Variants in ADIRF observed in about 807,000 individuals in gnomAD.
ADIRF encodes the protein adipogenesis factor rich in obesity.
ADIRF carries 9 observed loss-of-function variants against 7.8 expected under a neutral mutation model. That is an observed-to-expected ratio of 1.15 (90% CI 0.70 to 2.01). ADIRF has a LOEUF of 2.01. Ranked by LOEUF, ADIRF falls within the 30% of genes most tolerant of loss-of-function variation. ADIRF has a pLI of 0.00. For missense variants in ADIRF, 106 were observed against 98.1 expected (o/e 1.08, Z -0.34); for synonymous variants, 48 against 39.9 (o/e 1.20, Z -0.77).
chr10:86,970,702 T>C lies in ADIRF; in HGVS notation c.*120T>C. 1.2e-6 allele frequency: 1 copy of C among 834,682 alleles called. No individual in the cohort carries two copies. Among genetic ancestry groups the C allele is most frequent in the East Asian group, 2.7e-5 (1 of 37,194 alleles). The allele number at this position is 834,682 out of a possible 1,614,324, so 51.7% of individuals were successfully genotyped here. A position where few individuals can be genotyped will look rare whatever the true frequency, so the allele number is the denominator to read the frequency against. On this transcript the variant is annotated 3_prime_UTR_variant, in exon 3 of 3. Coordinates refer to ENST00000372013, the MANE Select transcript of ADIRF (RefSeq NM_006829.3). ...CTCCGGGCAGCCACCACCTCCTCGG[T>C]CTGCCCCCTCATTAAAATTCACGTT...
In ADIRF at chr10:86,968,495, T is replaced by C; in HGVS notation, c.-50T>C. On this transcript the variant is annotated 5_prime_UTR_variant, in exon 1 of 3. Coordinates refer to ENST00000372013, the MANE Select transcript of ADIRF (RefSeq NM_006829.3). ...CTTGGCATCGCCACTCTGGGCAGGA[T>C]CCAACGTCGCTCCAGCTGCTCTTGA... 1 of 1,608,320 alleles carries C rather than the reference T, an allele frequency of 6.2e-7. No individual in the cohort carries two copies. Among genetic ancestry groups the C allele is most frequent in the Non-Finnish European group, 8.5e-7 (1 of 1,176,448 alleles).
In ADIRF at chr10:86,970,823, A is replaced by C; in HGVS notation, c.*241A>C. 3.4e-6 allele frequency: 2 copies of C among 586,738 alleles called. No individual in the cohort carries two copies. Among genetic ancestry groups the C allele is most frequent in the East Asian group, 3.9e-5 (1 of 25,482 alleles). The allele number at this position is 586,738 out of a possible 1,614,324, so 36.3% of individuals were successfully genotyped here. On this transcript the variant is annotated 3_prime_UTR_variant, in exon 3 of 3. Coordinates refer to ENST00000372013, the MANE Select transcript of ADIRF (RefSeq NM_006829.3). ...CGTAGCCGGAGTCCTAGCCTCCCAA[A>C]TTCGGAAATCCAATCCAACGGTCTC...
chr10:86,970,021 G>A (rs2133709695), intron 1 of ADIRF, 179 bp from the exon 2 acceptor site: 1 of 455,570 alleles, frequency 2.2e-6, no homozygotes, highest in South Asian at 1.0e-4. Flanking sequence ...CAGAGGCATG[G>A]AAAGGTCTCC....
chr10:86,970,108 T>G, intron 1 of ADIRF, 92 bp from the exon 2 acceptor site: 1 of 1,238,676 alleles, frequency 8.1e-7, no homozygotes, highest in Non-Finnish European at 1.1e-6. Context: ...TACCACCGAA[T>G]ACTCTGGAGG....
chr10:86,969,704 C>G (rs1844544470), intron 1 of ADIRF: 1 of 152,610 alleles, frequency 6.6e-6, no homozygotes, highest in Non-Finnish European at 1.5e-5. Context: ...TTGTGTGCCC[C>G]TCCGGGCAGG....
At chr10:86,969,858 A>G (rs1844548057) in intron 1 of ADIRF, 2 of 194,126 alleles carry the variant, frequency 1.0e-5, no homozygotes, top group Admixed American at 1.2e-4. Flanking sequence ...CGCCATCACC[A>G]GCATTAGCCA....
intron 1 of ADIRF, chr10:86,969,565 G>A (rs1844540575): frequency 2.6e-5 from 4 of 152,324 alleles, no homozygotes; most frequent in Non-Finnish European, 5.9e-5. Flanking sequence ...CCCCGGGGCT[G>A]GTGACTCCAT....
chr10:86,970,420 A>C (rs2279601), intron 2 of ADIRF, 56 bp from the exon 3 acceptor site: 1 of 1,543,862 alleles, frequency 6.5e-7, no homozygotes, highest in Non-Finnish European at 8.9e-7. Context: ...CTAAGCCTAC[A>C]GGCACTGTGG....
Position 86,970,422 on chromosome 10 carries a change from G to A in ADIRF, c.125-54G>A, listed in dbSNP as rs752051055. On this transcript the variant is annotated intron_variant, in intron 2 of 2. Transcript: ENST00000372013. Reference sequence around the variant, plus strand: ...GACCCAGGCCAGGCTAAGCCTACAGGCACTGTGGTTCCCGGGCCCTGCCTG... The same window carrying A: ...GACCCAGGCCAGGCTAAGCCTACAGACACTGTGGTTCCCGGGCCCTGCCTG... The A allele has an allele frequency of 3.9e-6, 6 of 1,547,500 alleles. No homozygotes were observed. In the Admixed American group the frequency reaches 1.1e-4, roughly 28 times the overall value.
rs148266540 is a variant in ADIRF at position 86,970,475 on chromosome 10, G to A, written c.125-1G>A. On this transcript the variant is annotated splice_acceptor_variant, in intron 2 of 2. Coordinates refer to ENST00000372013, the MANE Select transcript of ADIRF (RefSeq NM_006829.3). LOFTEE classifies it high-confidence loss of function. ...CTGCCCTCTCTCCCGCCCTTCCCCAGCCATGGACCAGCTGGCCAAGACCAC... is the reference window on the plus strand; with the variant it reads ...CTGCCCTCTCTCCCGCCCTTCCCCAACCATGGACCAGCTGGCCAAGACCAC... 2.2e-5 allele frequency: 35 copies of A among 1,612,218 alleles called. No individual in the cohort carries two copies. Among genetic ancestry groups the A allele is most frequent in the Non-Finnish European group, 2.9e-5 (34 of 1,179,190 alleles).
At chr10:86,968,930 G>C (rs544202260) in intron 1 of ADIRF, 2 of 312,880 alleles carry the variant, frequency 6.4e-6, no homozygotes, top group East Asian at 1.3e-4. Flanking sequence ...GACAGGGATC[G>C]GGCGCGGCCC....
At chr10:86,968,644 C>G in intron 1 of ADIRF, 39 bp downstream of exon 1, 2 of 1,597,264 alleles carry the variant, frequency 1.3e-6, no homozygotes, top group Non-Finnish European at 1.7e-6. Flanking sequence ...GGCAGGGGCA[C>G]CTGCGTGGAT....
In ADIRF at chr10:86,970,800, T is replaced by G; in HGVS notation, c.*218T>G. Reference sequence around the variant, plus strand: ...TCTCATCCCAAGAGCAGAGCCACCGTAGCCGGAGTCCTAGCCTCCCAAATT... The same window carrying G: ...TCTCATCCCAAGAGCAGAGCCACCGGAGCCGGAGTCCTAGCCTCCCAAATT... On this transcript the variant is annotated 3_prime_UTR_variant, in exon 3 of 3. Transcript: ENST00000372013. 1 of 623,312 alleles carries G rather than the reference T, an allele frequency of 1.6e-6. No individual in the cohort carries two copies. 38.6% of individuals were successfully genotyped at this position (623,312 alleles called of 1,614,324 possible). A position where few individuals can be genotyped will look rare whatever the true frequency, so the allele number is the denominator to read the frequency against.
At position 86,970,893 on chromosome 10, in the gene ADIRF, C is replaced by A; in HGVS notation, c.*311C>A. On this transcript the variant is annotated 3_prime_UTR_variant, in exon 3 of 3. Transcript: ENST00000372013. ...CCACGCGCCTCCCGAAGCTCCCAGA[C>A]CGGAGGCTCAGCCCCCATCTCGGTT... 2.2e-6 allele frequency: 1 copy of A among 460,820 alleles called. No individual in the cohort carries two copies. The highest frequency in any genetic ancestry group is 1.6e-5 in the South Asian group (1 of 61,956). The allele number at this position is 460,820 out of a possible 1,614,324, so 28.5% of individuals were successfully genotyped here.
chr10:86,968,610 G>A lies in ADIRF; in HGVS notation c.61+5G>A. ...AGGGGACCGCCCAGGAAGCCGGTGA[G>A]GATAGCGCGCGACCTAGGGCTCAGG... is the stretch of plus-strand genomic sequence containing the variant. On this transcript the variant is annotated splice_donor_5th_base_variant and intron_variant, in intron 1 of 2. Coordinates refer to ENST00000372013, the MANE Select transcript of ADIRF (RefSeq NM_006829.3). 1 of 1,612,930 alleles carries A rather than the reference G, an allele frequency of 6.2e-7. No homozygotes were observed. Among genetic ancestry groups the A allele is most frequent in the Non-Finnish European group, 8.5e-7 (1 of 1,179,654 alleles).
chr10:86,970,485 A>C lies in ADIRF; in HGVS notation c.134A>C (p.Gln45Pro), dbSNP rs770541244. 19 of 1,612,662 alleles carry C rather than the reference A, an allele frequency of 1.2e-5. No individual in the cohort carries two copies. In the South Asian group the frequency reaches 2.1e-4, roughly 18 times the overall value. ...TCCCGCCCTTCCCCAGCCATGGACCAGCTGGCCAAGACCACCCAGGAAACC... is the reference window on the plus strand; with the variant it reads ...TCCCGCCCTTCCCCAGCCATGGACCCGCTGGCCAAGACCACCCAGGAAACC... ...ATEAGQKAMD[Q>P]LAKTTQETID... is the part of the protein sequence containing the mutation. The change falls in exon 3 of 3, where the codon CAG becomes CCG. Residue 45 changes from glutamine (Q) to proline (P), a missense_variant. Physicochemically the swap from Gln to Pro is moderately conservative, Grantham distance 76. Transcript: ENST00000372013.
At chr10:86,969,900 G>GAT in intron 1 of ADIRF, 1 of 255,436 alleles carries the variant, frequency 3.9e-6, no homozygotes, top group Admixed American at 5.2e-5. Flanking sequence ...GCCTGGCCCT[G>GAT]CCCTGCCTTC....
At chr10:86,969,615 G>C (rs1040440227) in intron 1 of ADIRF, 1 of 152,248 alleles carries the variant, frequency 6.6e-6, no homozygotes, top group Non-Finnish European at 1.5e-5. Context: ...GAGATAGTCC[G>C]GCCTTGGAAG....
At position 86,970,599 on chromosome 10, in the gene ADIRF, G is replaced by A; in HGVS notation, c.*17G>A. The A allele has an allele frequency of 1.3e-6, 2 of 1,588,618 alleles. No individual in the cohort carries two copies. The highest frequency in any genetic ancestry group is 1.7e-6 in the Non-Finnish European group (2 of 1,162,514). ...CTGAAATGACAGCAGGGAGACTTGGGTCGGCCTCCTGAAATGACAGCAGGG... is the reference window on the plus strand; with the variant it reads ...CTGAAATGACAGCAGGGAGACTTGGATCGGCCTCCTGAAATGACAGCAGGG... On this transcript the variant is annotated 3_prime_UTR_variant, in exon 3 of 3. Transcript: ENST00000372013.
Sources: allele counts gnomAD v4.1 joint callset, GRCh38; gene constraint gnomAD v4.1.1; transcripts MANE v1.5; gene names NCBI Gene and HGNC (gene_info 2026-07-23, HGNC 2026-07-21).